RAB32: variants seen among roughly 807,000 people sequenced by gnomAD.
RAB32 encodes the protein RAB32, member RAS oncogene family, also known as ras-related protein Rab-32.
In RAB32, 17 loss-of-function variants were observed where a neutral mutation model predicts 17.5. The observed-to-expected ratio is 0.97, with a 90% CI of 0.67 to 1.46. The LOEUF (loss-of-function observed/expected upper bound fraction) is 1.46. RAB32 is among the 40% of genes most tolerant of loss of function. RAB32 has a pLI of 0.00. For synonymous variants in RAB32, 115 were observed against 111.1 expected (o/e 1.04, Z -0.22); for missense variants, 288 against 284.3 (o/e 1.01, Z -0.09).
At chr6:146,544,437 A>G (rs931113863) in intron 1 of RAB32, among the ~76,000 whole-genome samples, 6 of 152,048 alleles carry the variant, frequency 3.9e-5, no homozygotes, top group Non-Finnish European at 7.4e-5. Flanking sequence ...TACATACACC[A>G]GGACTAGTTG....
rs139243497 is a variant in RAB32 at position 146,550,724 on chromosome 6, T to TGG, written c.528+992_528+993dup. Among the ~76,000 whole-genome samples the TGG allele has an allele frequency of 6.4e-3, 801 of 125,034 alleles. 6 individuals carry two copies. The highest frequency in any genetic ancestry group is 0.02 in the African/African-American group (673 of 33,100). The allele number at this position is 125,034 out of a possible 152,430, so 82.0% of individuals were successfully genotyped here. ...GAAAATTATACATATATAAAATGTTTGGGGGGGGGGTTACGTGCATTGGAA... is the reference window on the plus strand; with the variant it reads ...GAAAATTATACATATATAAAATGTTTGGGGGGGGGGGGTTACGTGCATTGGAA... On this transcript the variant is annotated intron_variant, in intron 2 of 2. Coordinates refer to ENST00000367495, the MANE Select transcript of RAB32 (RefSeq NM_006834.5).
intron 1 of RAB32, among the ~76,000 whole-genome samples, chr6:146,544,351 C>T (rs1583534808): frequency 6.6e-6 from 1 of 151,998 alleles, no homozygotes; most frequent in Admixed American, 6.5e-5. Context: ...CGCCAGAGCT[C>T]GCTCTCCTGA....
Position 146,543,999 on chromosome 6 carries a change from A to G in RAB32, c.128A>G (p.Lys43Arg). The change falls in exon 1 of 3, where the codon AAG becomes AGG. Residue 43 changes from lysine (K) to arginine (R), a missense_variant. Coordinates refer to ENST00000367495, the MANE Select transcript of RAB32 (RefSeq NM_006834.5). Reference sequence around the variant, plus strand: ...GGCGTGGGCAAGACCAGCATCATCAAGCGCTACGTCCACCAGCTCTTCTCC... The same window carrying G: ...GGCGTGGGCAAGACCAGCATCATCAGGCGCTACGTCCACCAGCTCTTCTCC... ...ELGVGKTSII[K>R]RYVHQLFSQH... is the part of the protein sequence containing the mutation. 1.2e-6 allele frequency: 2 copies of G among 1,613,824 alleles called. No individual in the cohort carries two copies. The highest frequency in any genetic ancestry group is 3.3e-4 in the Middle Eastern group (2 of 6,056).
intron 1 of RAB32, among the ~76,000 whole-genome samples, chr6:146,546,405 A>C (rs951670947): frequency 4.0e-5 from 6 of 150,918 alleles, no homozygotes; most frequent in Non-Finnish European, 7.4e-5. Context: ...TATGAGGGAG[A>C]AAAATAGCTT....
At position 146,554,781 on chromosome 6, in the gene RAB32, G is replaced by T. The variant is rs964555479; in HGVS notation, c.*176G>T. Reference sequence around the variant, plus strand: ...TTTGGGAGAAGTATCCCTGCTAGTGGCTCTGTAACTTAACAGATGACAATT... The same window carrying T: ...TTTGGGAGAAGTATCCCTGCTAGTGTCTCTGTAACTTAACAGATGACAATT... On this transcript the variant is annotated 3_prime_UTR_variant, in exon 3 of 3. Coordinates refer to ENST00000367495, the MANE Select transcript of RAB32 (RefSeq NM_006834.5). The T allele has an allele frequency of 1.7e-5, 9 of 542,516 alleles. No individual in the cohort carries two copies. Among genetic ancestry groups the T allele is most frequent in the African/African-American group, 1.3e-4 (7 of 52,282 alleles). 33.6% of individuals were successfully genotyped at this position (542,516 alleles called of 1,614,324 possible).
chr6:146,554,766 G>A lies in RAB32; in HGVS notation c.*161G>A. The A allele has an allele frequency of 3.1e-6, 2 of 635,868 alleles. No homozygotes were observed. Among genetic ancestry groups the A allele is most frequent in the Non-Finnish European group, 5.1e-6 (2 of 389,316 alleles). 39.4% of individuals were successfully genotyped at this position (635,868 alleles called of 1,614,324 possible). On this transcript the variant is annotated 3_prime_UTR_variant, in exon 3 of 3. Coordinates refer to ENST00000367495, the MANE Select transcript of RAB32 (RefSeq NM_006834.5). ...ATTTGAAAATGGAACTTTGGGAGAA[G>A]TATCCCTGCTAGTGGCTCTGTAACT...
chr6:146,548,661 G>A (rs1157710344), intron 1 of RAB32, among the ~76,000 whole-genome samples: 1 of 152,088 alleles, frequency 6.6e-6, no homozygotes, highest in Non-Finnish European at 1.5e-5. Flanking sequence ...CTATAATCCT[G>A]GCCAAGCATC....
chr6:146,544,059 C>A lies in RAB32; in HGVS notation c.188C>A (p.Ala63Asp), dbSNP rs775583704. 3 of 1,613,802 alleles carry A rather than the reference C, an allele frequency of 1.9e-6. No homozygotes were observed. The highest frequency in any genetic ancestry group is 2.5e-6 in the Non-Finnish European group (3 of 1,179,964). ...CGGGCCACCATCGGGGTGGACTTCG[C>A]CCTCAAGGTCCTCAACTGGGACAGC... ...HYRATIGVDF[A>D]LKVLNWDSRT... Residue 63 changes from alanine (A) to aspartate (D), a missense_variant, in exon 1 of 3, where the codon GCC (alanine) becomes GAC (aspartate). Ala to Asp is a moderately radical substitution (Grantham distance 126, BLOSUM62 -2). Coordinates refer to ENST00000367495, the MANE Select transcript of RAB32 (RefSeq NM_006834.5).
chr6:146,546,004 G>T (rs1779814540), intron 1 of RAB32, among the ~76,000 whole-genome samples: 1 of 152,156 alleles, frequency 6.6e-6, no homozygotes, highest in Admixed American at 6.5e-5. Flanking sequence ...ATTTTTAAGT[G>T]TTTATAGTTA....
intron 1 of RAB32, among the ~76,000 whole-genome samples, chr6:146,548,084 A>G (rs964652803): frequency 3.9e-5 from 6 of 152,198 alleles, no homozygotes; most frequent in African/African-American, 1.4e-4. Context: ...GTAAGTTTTT[A>G]TAAATGTCAG....
Position 146,547,242 on chromosome 6 carries a change from T to C in RAB32, c.251-2222T>C, listed in dbSNP as rs1250124270. ...TAAAGTAGTATTTGGTTTACTATTA[T>C]ATGCTTATTGCTTATTAGTCACTAT... On this transcript the variant is annotated intron_variant, in intron 1 of 2. Coordinates refer to ENST00000367495, the MANE Select transcript of RAB32 (RefSeq NM_006834.5). Among the ~76,000 whole-genome samples, 6 of 152,186 alleles carry C rather than the reference T, an allele frequency of 3.9e-5. No homozygotes were observed. In the East Asian group the frequency reaches 9.6e-4, roughly 24 times the overall value.
intron 1 of RAB32, among the ~76,000 whole-genome samples, chr6:146,548,457 A>G (rs1378875401): frequency 2.6e-5 from 4 of 152,316 alleles, no homozygotes; most frequent in East Asian, 1.9e-4. Context: ...TTCAAGAAGA[A>G]AGTGTCTTTA....
At chr6:146,544,632 C>T (rs1304379929) in intron 1 of RAB32, among the ~76,000 whole-genome samples, 1 of 151,982 alleles carries the variant, frequency 6.6e-6, no homozygotes, top group Non-Finnish European at 1.5e-5. Context: ...AGGGAAACTC[C>T]ATTCCTCAAA....
intron 2 of RAB32, among the ~76,000 whole-genome samples, chr6:146,551,826 C>T (rs1028758234): frequency 9.2e-5 from 14 of 152,086 alleles, no homozygotes; most frequent in African/African-American, 2.2e-4. Context: ...AAAGGTGAAA[C>T]GCTGGTTAAG....
intron 2 of RAB32, among the ~76,000 whole-genome samples, chr6:146,553,339 A>C (rs1478437232): frequency 1.3e-5 from 2 of 152,218 alleles, no homozygotes; most frequent in Non-Finnish European, 1.5e-5. Context: ...AAAAATAATA[A>C]CTTTTCTGTG....
chr6:146,549,323 G>C, intron 1 of RAB32, 141 bp from the exon 2 acceptor site: 1 of 684,724 alleles, frequency 1.5e-6, no homozygotes, highest in Non-Finnish European at 2.4e-6. Context: ...TGTATGGATA[G>C]CCTTAATCAC....
At chr6:146,549,865 A>C in intron 2 of RAB32, 124 bp downstream of exon 2, 3 of 1,139,108 alleles carry the variant, frequency 2.6e-6, no homozygotes, top group African/African-American at 1.6e-5. Flanking sequence ...GAAGTGTAGC[A>C]TGGATGTGTT....
At chr6:146,544,365 G>T (rs1779794703) in intron 1 of RAB32, among the ~76,000 whole-genome samples, 1 of 152,096 alleles carries the variant, frequency 6.6e-6, no homozygotes, top group Non-Finnish European at 1.5e-5. Flanking sequence ...CTCCTGAAGG[G>T]AGGCGAGGAG....
rs571300242 is a variant in RAB32, at chr6:146,550,429, G to A, written c.528+688G>A. ...TCTGGGAGGCCGAGGCAGATGGATC[G>A]GGCAGATCGCTTGAACTGGGAGTTC... On this transcript the variant is annotated intron_variant, in intron 2 of 2. Transcript: ENST00000367495. Among the ~76,000 whole-genome samples, 5 of 152,048 alleles carry A rather than the reference G, an allele frequency of 3.3e-5. No individual in the cohort carries two copies. In the East Asian group the frequency reaches 5.8e-4, roughly 18 times the overall value.
Sources: gnomAD v4.1 joint callset for allele counts (sites outside exome capture counted in the v4.1 genomes callset) on GRCh38, gnomAD v4.1.1 for gene constraint, MANE v1.5 for transcripts, NCBI Gene and HGNC (gene_info 2026-07-23, HGNC 2026-07-21) for gene names.